SLC24A1: variants seen among roughly 807,000 people sequenced by gnomAD.
The protein encoded by SLC24A1 is sodium/potassium/calcium exchanger 1.
A neutral mutation model predicts 88.1 loss-of-function variants in SLC24A1; 52 were observed. The observed-to-expected ratio is 0.59, with a 90% CI of 0.47 to 0.74. The LOEUF (loss-of-function observed/expected upper bound fraction) is 0.74. SLC24A1 is among the 30% of genes least tolerant of loss of function. The probability of loss-of-function intolerance (pLI) is 0.00; values close to 1 mark genes in which losing one functional copy is unlikely to be tolerated. For missense variants in SLC24A1, 1,173 were observed against 1,363.3 expected, an observed-to-expected ratio of 0.86 and a Z score of 2.20; for synonymous variants, 455 against 498.0, an observed-to-expected ratio of 0.91 and a Z score of 1.15.
intron 5 of SLC24A1, 37 bp downstream of exon 5, chr15:65,644,550 C>T: frequency 7.1e-7 from 1 of 1,399,810 alleles, no homozygotes. Flanking sequence ...TTTCTCCTGC[C>T]CCCCTCTCCC....
intron 2 of SLC24A1, among the ~76,000 whole-genome samples, chr15:65,629,967 T>A (rs1031301561): frequency 2.4e-4 from 36 of 152,284 alleles, no homozygotes; most frequent in African/African-American, 6.5e-4. Context: ...CTGGAAGGAC[T>A]TTTTTATTTA....
chr15:65,624,231 T>A lies in SLC24A1; in HGVS notation c.151T>A (p.Trp51Arg). 1 of 1,613,926 alleles carries A rather than the reference T, an allele frequency of 6.2e-7. No individual in the cohort carries two copies. Among genetic ancestry groups the A allele is most frequent in the Non-Finnish European group, 8.5e-7 (1 of 1,179,862 alleles). The change falls in exon 2 of 10, where the codon TGG (tryptophan) becomes AGG (arginine). Residue 51 changes from tryptophan (W) to arginine (R), a missense_variant. Transcript: ENST00000261892. ...GAGACCCCGGGGCCTTTCCTCATTGTGGGCAGCAGTCTCTTCTCATCAGCC... is the reference window on the plus strand; with the variant it reads ...GAGACCCCGGGGCCTTTCCTCATTGAGGGCAGCAGTCTCTTCTCATCAGCC... The part of the protein sequence containing the change: ...LRRPRGLSSL[W>R]AAVSSHQPIK...
chr15:65,629,262 A>T (rs187463409), intron 2 of SLC24A1, among the ~76,000 whole-genome samples: 33 of 152,336 alleles, frequency 2.2e-4, no homozygotes, highest in African/African-American at 6.7e-4. Context: ...TGCCCTGAGT[A>T]TCTAGAATCA....
Position 65,625,402 on chromosome 15 carries a change from C to A in SLC24A1, c.1322C>A (p.Pro441His). 6.2e-7 allele frequency: 1 copy of A among 1,614,046 alleles called. No individual in the cohort carries two copies. Among genetic ancestry groups the A allele is most frequent in the Non-Finnish European group, 8.5e-7 (1 of 1,179,900 alleles). ...GACCTCCACCCCAAGGGAGAGTACC[C>A]CCCAGATCTGTTCAGTGTGGAGGAG... ...LPDLHPKGEYPPDLFSVEERR... is the reference protein window; with the variant it reads ...LPDLHPKGEYHPDLFSVEERR... Residue 441 changes from proline (P) to histidine (H), a missense_variant, in exon 2 of 10, where the codon CCC becomes CAC. By Grantham distance (77) the Pro-to-His change is moderately conservative. Transcript: ENST00000261892.
rs764547522 is a variant in SLC24A1, at chr15:65,624,385, C to T, written c.305C>T (p.Ala102Val). Residue 102 changes from alanine to valine, a missense_variant, in exon 2 of 10, where the codon GCA becomes GTA. Ala to Val is a moderately conservative substitution (Grantham distance 64, BLOSUM62 0). Transcript: ENST00000261892. ...CAAGCCTCAGTGGGCAGTGATGAAGCAACACTGAGCATGACAGTGGAGAAT... is the reference window on the plus strand; with the variant it reads ...CAAGCCTCAGTGGGCAGTGATGAAGTAACACTGAGCATGACAGTGGAGAAT... ...VPQASVGSDEATLSMTVENIP... is the reference protein window; with the variant it reads ...VPQASVGSDEVTLSMTVENIP... 2 of 1,613,570 alleles carry T rather than the reference C, an allele frequency of 1.2e-6. No homozygotes were observed. Among genetic ancestry groups the T allele is most frequent in the Non-Finnish European group, 1.7e-6 (2 of 1,179,722 alleles).
chr15:65,643,011 G>A (rs2075181519), intron 4 of SLC24A1: 5 of 1,289,240 alleles, frequency 3.9e-6, no homozygotes, highest in Non-Finnish European at 5.1e-6. Flanking sequence ...TCCCAGGTAG[G>A]ACAGCTGCTC....
downstream of SLC24A1, among the ~76,000 whole-genome samples, chr15:65,657,008 T>C (rs1206373343): frequency 1.3e-5 from 2 of 152,158 alleles, no homozygotes; most frequent in African/African-American, 4.8e-5. Flanking sequence ...TAGCTGGGAC[T>C]ACAGAAGTGC....
intron 2 of SLC24A1, among the ~76,000 whole-genome samples, chr15:65,613,281 C>G (rs576251941): frequency 2.8e-4 from 43 of 152,298 alleles, no homozygotes; most frequent in Middle Eastern, 3.4e-3. Flanking sequence ...CCCAGTCTGA[C>G]AGAGGAAAGG....
chr15:65,612,208 C>T (rs896776879), intron 1 of SLC24A1: 5 of 152,350 alleles, frequency 3.3e-5, no homozygotes, highest in Non-Finnish European at 5.9e-5. Context: ...GGAATCCCAG[C>T]TAGAGATAGG....
intron 4 of SLC24A1, among the ~76,000 whole-genome samples, chr15:65,643,679 C>T (rs1038046863): frequency 6.6e-6 from 1 of 152,202 alleles, no homozygotes; most frequent in Non-Finnish European, 1.5e-5. Context: ...TTGCCTGTCC[C>T]GTGTTTCTCA....
chr15:65,659,830 C>T (rs1486645608), downstream of SLC24A1: 5 of 153,236 alleles, frequency 3.3e-5, no homozygotes, highest in African/African-American at 1.2e-4. Context: ...ATTCGCTTTT[C>T]CAAATGAGTC....
rs1380429183 is a variant in SLC24A1 at position 65,613,365 on chromosome 15, A to G, written c.-228+752A>G. On this transcript the variant is annotated intron_variant, in intron 2 of 11. Transcript: ENST00000537259. ...CTCAAAGGGAAGTCTAGATATCTCA[A>G]TCTCCCAGAGCACGTGTTGAAAATG... Among the ~76,000 whole-genome samples the G allele has an allele frequency of 3.9e-5, 6 of 152,218 alleles. No individual in the cohort carries two copies. In the East Asian group the frequency reaches 7.7e-4, roughly 20 times the overall value.
chr15:65,659,754 G>A (rs2075798632), downstream of SLC24A1: 1 of 153,556 alleles, frequency 6.5e-6, no homozygotes, highest in Non-Finnish European at 1.4e-5. Context: ...ATTAAAAGTA[G>A]GGGAAATACA....
intron 6 of SLC24A1, among the ~76,000 whole-genome samples, chr15:65,648,521 G>A (rs1185406460): frequency 2.7e-5 from 4 of 149,832 alleles, no homozygotes; most frequent in South Asian, 2.1e-4. Flanking sequence ...TTGCTCTGTC[G>A]CCTAGGCTGG....
At position 65,625,986 on chromosome 15, in the gene SLC24A1, C is replaced by T. The variant is rs759646647; in HGVS notation, c.1890+16C>T. The T allele has an allele frequency of 2.7e-5, 42 of 1,581,444 alleles. No individual in the cohort carries two copies. In the Admixed American group the frequency reaches 6.8e-4, roughly 26 times the overall value. On this transcript the variant is annotated intron_variant, in intron 2 of 9. Transcript: ENST00000261892. ...CCTCAGCAAGGTAAGGACAAATTGG[C>T]TCAGGTTTCTCTAGCCCCTTTGAGA...
chr15:65,635,446 CAAAAAAAAAAAA>C (rs56960432), intron 2 of SLC24A1, among the ~76,000 whole-genome samples: 2 of 58,352 alleles, frequency 3.4e-5, no homozygotes, highest in East Asian at 6.1e-4. Flanking sequence ...ACTCCGTCTC[CAAAAAAAAAAAA>C]AAAAAAAAAA....
intron 2 of SLC24A1, among the ~76,000 whole-genome samples, chr15:65,631,775 T>C (rs1046949372): frequency 6.6e-6 from 1 of 152,212 alleles, no homozygotes; most frequent in Non-Finnish European, 1.5e-5. Flanking sequence ...GCGATTACTT[T>C]TGTACCAGCC....
At position 65,652,650 on chromosome 15, in the gene SLC24A1, A is replaced by G; in HGVS notation, c.2892A>G (p.Glu964=). The G allele has an allele frequency of 6.2e-7, 1 of 1,613,904 alleles. No homozygotes were observed. The highest frequency in any genetic ancestry group is 8.5e-7 in the Non-Finnish European group (1 of 1,179,846). Residue 964 remains glutamate, a synonymous_variant, in exon 9 of 10, where the codon GAA becomes GAG. Coordinates refer to ENST00000261892, the MANE Select transcript of SLC24A1 (RefSeq NM_004727.3). The part of the protein sequence containing the change: ...LMVWWAHQVG[E]TIGISEEIMG... ...CCGTTGCCGTTTACCAGGTTGGTGA[A>G]ACAATAGGGATTTCTGAAGAGATCA...
Position 65,645,594 on chromosome 15 carries a change from C to A in SLC24A1, c.2141-18C>A. On this transcript the variant is annotated intron_variant, in intron 5 of 9. Coordinates refer to ENST00000261892, the MANE Select transcript of SLC24A1 (RefSeq NM_004727.3). ...CCTTGTCCACTCTTCTGATGTAACC[C>A]ATGTTTATCCTTTAAAGAGGAGGAG... is the stretch of plus-strand genomic sequence containing the variant. 6.5e-7 allele frequency: 1 copy of A among 1,543,580 alleles called. No individual in the cohort carries two copies. Among genetic ancestry groups the A allele is most frequent in the South Asian group, 1.2e-5 (1 of 83,910 alleles).
Sources: allele counts gnomAD v4.1 joint callset (sites outside exome capture counted in the v4.1 genomes callset), GRCh38; gene constraint gnomAD v4.1.1; transcripts MANE v1.5; gene names NCBI Gene and HGNC (gene_info 2026-07-23, HGNC 2026-07-21).